CRIM1: variants seen among roughly 807,000 people sequenced by gnomAD.
CRIM1 encodes the protein cysteine rich transmembrane BMP regulator 1.
A neutral mutation model predicts 116.4 loss-of-function variants in CRIM1; 32 were observed. That is an observed-to-expected ratio of 0.27 (90% confidence interval 0.21 to 0.37). The LOEUF is 0.37. CRIM1 is among the 10% of genes least tolerant of loss of function. The probability of loss-of-function intolerance (pLI) is 1.00; values close to 1 mark genes in which losing one functional copy is unlikely to be tolerated. For missense variants in CRIM1, 1,331 were observed against 1,354.8 expected (o/e 0.98, Z 0.28); for synonymous variants, 590 against 509.2 (o/e 1.16, Z -2.13).
chr2:36,550,988 A>T lies in CRIM1; in HGVS notation c.*2287A>T, dbSNP rs1667736854. 6.6e-6 allele frequency: 1 copy of T among 152,626 alleles called. No individual in the cohort carries two copies. Among genetic ancestry groups the T allele is most frequent in the African/African-American group, 2.4e-5 (1 of 41,458 alleles). The allele number at this position is 152,626 out of a possible 1,614,324, so 9.5% of individuals were successfully genotyped here. On this transcript the variant is annotated 3_prime_UTR_variant, in exon 17 of 17. Transcript: ENST00000280527. ...CCTGTTGTGCTCTTGTAAAAGAAAAATATAATTTCCTGAAGAATAAAATAG... is the reference window on the plus strand; with the variant it reads ...CCTGTTGTGCTCTTGTAAAAGAAAATTATAATTTCCTGAAGAATAAAATAG...
chr2:36,428,184 G>A (rs950488621), intron 2 of CRIM1, among the ~76,000 whole-genome samples: 2 of 152,238 alleles, frequency 1.3e-5, no homozygotes, highest in South Asian at 2.1e-4. Flanking sequence ...GTGTTTTGAT[G>A]GAAGCAGTGC....
chr2:36,520,915 A>C (rs757742936), intron 12 of CRIM1, among the ~76,000 whole-genome samples: 30 of 152,216 alleles, frequency 2.0e-4, no homozygotes, highest in Non-Finnish European at 2.8e-4. Context: ...TTCTGGGAAG[A>C]ACATACGACA....
intron 1 of CRIM1, among the ~76,000 whole-genome samples, chr2:36,359,269 A>G (rs146817696): frequency 6.6e-6 from 1 of 152,330 alleles, no homozygotes; most frequent in East Asian, 1.9e-4. Context: ...TTAATTGGCT[A>G]CGTTGTAAAA....
intron 4 of CRIM1, among the ~76,000 whole-genome samples, chr2:36,443,710 G>A (rs116388065): frequency 6.6e-6 from 1 of 152,154 alleles, no homozygotes; most frequent in East Asian, 1.9e-4. Context: ...AGTAGATGTG[G>A]TCCATAGGTA....
At chr2:36,493,466 G>C (rs1181609419) in intron 7 of CRIM1, among the ~76,000 whole-genome samples, 2 of 152,148 alleles carry the variant, frequency 1.3e-5, no homozygotes, top group Non-Finnish European at 2.9e-5. Flanking sequence ...GAGACCATCA[G>C]AATCTGGAAA....
intron 13 of CRIM1, among the ~76,000 whole-genome samples, chr2:36,525,979 T>G (rs3821153): frequency 0.42 from 63,646 of 152,014 alleles, 13,523 homozygotes; most frequent in East Asian, 0.55. Context: ...CTTTTGATGT[T>G]CGAGGGCCTC....
chr2:36,374,568 C>T (rs773134396), intron 1 of CRIM1, among the ~76,000 whole-genome samples: 2 of 152,106 alleles, frequency 1.3e-5, no homozygotes, highest in Non-Finnish European at 2.9e-5. Flanking sequence ...TATGTTGCTA[C>T]CTTGTCTTCA....
intron 14 of CRIM1, among the ~76,000 whole-genome samples, chr2:36,541,925 T>A (rs924653865): frequency 6.6e-6 from 1 of 152,232 alleles, no homozygotes; most frequent in Admixed American, 6.5e-5. Flanking sequence ...GCATTCCCAC[T>A]TCTTTTTGTT....
Position 36,548,626 on chromosome 2 carries a change from T to G in CRIM1, c.3036T>G (p.Asp1012Glu), listed in dbSNP as rs375489131. ...SQRMLRIAEPDARFSGFYSMQ... is the reference protein window; with the variant it reads ...SQRMLRIAEPEARFSGFYSMQ... ...GAATGCTAAGAATTGCAGAACCAGA[T>G]GCAAGATTCAGTGGCTTCTACAGCA... is the stretch of plus-strand genomic sequence containing the variant. The change falls in exon 17 of 17, where the codon GAT (aspartate) becomes GAG (glutamate). Residue 1012 changes from aspartate to glutamate, a missense_variant. This residue lies in a region of CRIM1 where 283 missense variants were observed against 242.8 expected (regional missense o/e 1.17). Coordinates refer to ENST00000280527, the MANE Select transcript of CRIM1 (RefSeq NM_016441.3). 3 of 1,612,810 alleles carry G rather than the reference T, an allele frequency of 1.9e-6. No homozygotes were observed. In the African/African-American group the frequency reaches 4.0e-5, roughly 22 times the overall value.
At chr2:36,391,592 A>T (rs190439080) in intron 1 of CRIM1, among the ~76,000 whole-genome samples, 1 of 152,298 alleles carries the variant, frequency 6.6e-6, no homozygotes, top group African/African-American at 2.4e-5. Flanking sequence ...CTGTTAGAAG[A>T]GGTACCCAGC....
At chr2:36,419,652 A>T (rs1673903741) in intron 2 of CRIM1, among the ~76,000 whole-genome samples, 1 of 152,150 alleles carries the variant, frequency 6.6e-6, no homozygotes, top group Non-Finnish European at 1.5e-5. Context: ...CTCTTTTAGT[A>T]TTATTTCTCT....
At position 36,356,559 on chromosome 2, in the gene CRIM1, T is replaced by A. The variant is rs544870298; in HGVS notation, c.267T>A (p.Arg89=). Residue 89 remains arginine, a synonymous_variant, in exon 1 of 17, where the codon CGT becomes CGA. Coordinates refer to ENST00000280527, the MANE Select transcript of CRIM1 (RefSeq NM_016441.3). The surrounding 1 kb of genome is among the most constrained non-coding windows in gnomAD (Gnocchi z 4.3). ...GIYGTCDRGL[R]CVIRPPLNGD... ...ACGGAACCTGCGACCGGGGGCTGCG[T>A]TGTGTCATCCGCCCCCCGCTCAATG... The A allele has an allele frequency of 2.5e-6, 4 of 1,612,460 alleles. No homozygotes were observed. Among genetic ancestry groups the A allele is most frequent in the East Asian group, 2.2e-5 (1 of 44,812 alleles).
intron 2 of CRIM1, among the ~76,000 whole-genome samples, chr2:36,421,654 G>A (rs1161699867): frequency 6.6e-6 from 1 of 152,138 alleles, no homozygotes; most frequent in Non-Finnish European, 1.5e-5. Flanking sequence ...TTCTTAGGTG[G>A]GGACTCTTTG....
chr2:36,540,740 C>T lies in CRIM1; in HGVS notation c.2623+3194C>T, dbSNP rs192447613. Among the ~76,000 whole-genome samples, 3 of 152,224 alleles carry T rather than the reference C, an allele frequency of 2.0e-5. 1 individual carries two copies. Among genetic ancestry groups the T allele is most frequent in the East Asian group, 1.9e-4 (1 of 5,170 alleles). On this transcript the variant is annotated intron_variant, in intron 14 of 16. Coordinates refer to ENST00000280527, the MANE Select transcript of CRIM1 (RefSeq NM_016441.3). The stretch of plus-strand genomic sequence containing the variant: ...AACCTTTGTGTAACAGGGTGGTGTG[C>T]AGGAAGGACTAAAGCAGAGAGAGAC...
intron 5 of CRIM1, among the ~76,000 whole-genome samples, chr2:36,466,488 T>G (rs1204262141): frequency 6.6e-6 from 1 of 152,216 alleles, no homozygotes; most frequent in Non-Finnish European, 1.5e-5. Flanking sequence ...TGAATACTTG[T>G]ACCACTGGAG....
At chr2:36,511,052 C>G (rs1015912285) in intron 9 of CRIM1, among the ~76,000 whole-genome samples, 1 of 151,934 alleles carries the variant, frequency 6.6e-6, no homozygotes, top group Non-Finnish European at 1.5e-5. Flanking sequence ...GCCTCAGCCT[C>G]AGCCTCAGCC....
intron 1 of CRIM1, among the ~76,000 whole-genome samples, chr2:36,363,583 G>T (rs994221160): frequency 1.5e-5 from 2 of 137,260 alleles, no homozygotes; most frequent in African/African-American, 5.2e-5. Context: ...TTTCTACAAA[G>T]TTTGTATATT....
At chr2:36,456,200 T>C (rs1031158177) in intron 4 of CRIM1, among the ~76,000 whole-genome samples, 3 of 152,148 alleles carry the variant, frequency 2.0e-5, no homozygotes, top group African/African-American at 4.8e-5. Context: ...CATTTGTGGT[T>C]ATATATAAAA....
intron 4 of CRIM1, among the ~76,000 whole-genome samples, chr2:36,455,372 C>G (rs920222808): frequency 6.6e-6 from 1 of 152,168 alleles, no homozygotes; most frequent in East Asian, 1.9e-4. Context: ...TTCATCAGTT[C>G]GTTTAATCCA....
Sources: gnomAD v4.1 joint callset for allele counts (sites outside exome capture counted in the v4.1 genomes callset) on GRCh38, gnomAD v4.1.1 for gene constraint, gnomAD v4.1.1 regional missense constraint, Gnocchi (gnomAD v3.1) non-coding constraint, MANE v1.5 for transcripts, NCBI Gene and HGNC (gene_info 2026-07-23, HGNC 2026-07-21) for gene names.